Variants in NPR3 observed in about 807,000 individuals in gnomAD.
NPR3 encodes the protein atrial natriuretic peptide receptor 3.
In NPR3, 34 loss-of-function variants were observed where a neutral mutation model predicts 54.5. The observed-to-expected ratio is 0.62, with a 90% CI of 0.47 to 0.83. The LOEUF (loss-of-function observed/expected upper bound fraction) is 0.83, where lower values mean the gene tolerates loss of function less well. Among genes scored for constraint, NPR3 ranks in the 40% least tolerant of loss-of-function variants. NPR3 has a pLI of 0.00. For synonymous variants in NPR3, 289 were observed against 297.1 expected (o/e 0.97, Z 0.28); for missense variants, 674 against 720.8 (o/e 0.94, Z 0.74).
At chr5:32,716,435 C>T in intron 1 of NPR3, 1 of 453,892 alleles carries the variant, frequency 2.2e-6, no homozygotes, top group Non-Finnish European at 4.4e-6. Context: ...TCTTCTTGAT[C>T]ATTCTACTGC....
chr5:32,700,363 G>T (rs73067039), intron 1 of NPR3, among the ~76,000 whole-genome samples: 1,684 of 152,036 alleles, frequency 0.011, 29 homozygotes, highest in African/African-American at 0.039. Context: ...TTCTAGATTT[G>T]GTAGATGTGC....
chr5:32,772,917 A>G (rs1741846670), intron 3 of NPR3, among the ~76,000 whole-genome samples: 1 of 152,196 alleles, frequency 6.6e-6, no homozygotes, highest in Admixed American at 6.5e-5. Context: ...ATTTTTCTAA[A>G]CTGCTTCTCG....
At chr5:32,777,923 C>G (rs1008657040) in intron 4 of NPR3, among the ~76,000 whole-genome samples, 1 of 152,212 alleles carries the variant, frequency 6.6e-6, no homozygotes, top group African/African-American at 2.4e-5. Context: ...AACCTGGCAT[C>G]TGTGGACACA....
chr5:32,711,713 A>C lies in NPR3; in HGVS notation c.-64A>C. On this transcript the variant is annotated 5_prime_UTR_variant, in exon 1 of 8. Transcript: ENST00000265074. Reference sequence around the variant, plus strand: ...GAGAGAAGAGTGGGGAGGAAAGAGGAAGGGTGGGTGGGGGGCAGAGGGCGA... The same window carrying C: ...GAGAGAAGAGTGGGGAGGAAAGAGGCAGGGTGGGTGGGGGGCAGAGGGCGA... 7.2e-7 allele frequency: 1 copy of C among 1,392,788 alleles called. No homozygotes were observed. The highest frequency in any genetic ancestry group is 1.8e-5 in the South Asian group (1 of 56,210). 86.3% of individuals were successfully genotyped at this position (1,392,788 alleles called of 1,614,324 possible). A position where few individuals can be genotyped will look rare whatever the true frequency, so the allele number is the denominator to read the frequency against.
chr5:32,751,665 G>A (rs1466404468), intron 3 of NPR3, among the ~76,000 whole-genome samples: 1 of 152,146 alleles, frequency 6.6e-6, no homozygotes, highest in African/African-American at 2.4e-5. Flanking sequence ...CAGCAGTATT[G>A]ATAGGGGGGT....
chr5:32,752,160 T>C (rs56695544), intron 3 of NPR3, among the ~76,000 whole-genome samples: 1,844 of 152,132 alleles, frequency 0.012, 42 homozygotes, highest in African/African-American at 0.042. Context: ...GCCAAGATCA[T>C]ACCATTGCAA....
intron 4 of NPR3, among the ~76,000 whole-genome samples, chr5:32,775,853 C>T (rs751342036): frequency 1.2e-4 from 18 of 152,180 alleles, no homozygotes; most frequent in Admixed American, 3.3e-4. Context: ...CCACCTTGGC[C>T]TCCCAAGCTT....
intron 3 of NPR3, among the ~76,000 whole-genome samples, chr5:32,747,734 T>G (rs560304649): frequency 2.2e-4 from 34 of 151,866 alleles, no homozygotes; most frequent in African/African-American, 7.7e-4. Flanking sequence ...TCCCCGTGGT[T>G]TTGAAGAAGA....
intron 3 of NPR3, among the ~76,000 whole-genome samples, chr5:32,761,270 G>A (rs1579672590): frequency 6.6e-6 from 1 of 151,852 alleles, no homozygotes; most frequent in African/African-American, 2.4e-5. Context: ...CCAATTTGGG[G>A]GAAAACTGAC....
chr5:32,741,329 G>T (rs1740028387), intron 3 of NPR3, among the ~76,000 whole-genome samples: 1 of 152,148 alleles, frequency 6.6e-6, no homozygotes, highest in African/African-American at 2.4e-5. Flanking sequence ...GAGGTAGGAG[G>T]ATCACCTGAA....
At chr5:32,691,070 G>A (rs1222217009) in intron 1 of NPR3, among the ~76,000 whole-genome samples, 1 of 152,164 alleles carries the variant, frequency 6.6e-6, no homozygotes, top group Non-Finnish European at 1.5e-5. Context: ...TAGAAGAGCT[G>A]CCCATCTGAA....
chr5:32,711,740 T>G lies in NPR3; in HGVS notation c.-37T>G. The G allele has an allele frequency of 1.4e-6, 2 of 1,403,426 alleles. No individual in the cohort carries two copies. Among genetic ancestry groups the G allele is most frequent in the Non-Finnish European group, 1.9e-6 (2 of 1,079,412 alleles). 86.9% of individuals were successfully genotyped at this position (1,403,426 alleles called of 1,614,324 possible). On this transcript the variant is annotated 5_prime_UTR_variant, in exon 1 of 8. Coordinates refer to ENST00000265074, the MANE Select transcript of NPR3 (RefSeq NM_001204375.2). ...GGGTGGGTGGGGGGCAGAGGGCGAGTCGGCGGCGGCGAGGGCAAGCTCTTT... is the reference window on the plus strand; with the variant it reads ...GGGTGGGTGGGGGGCAGAGGGCGAGGCGGCGGCGGCGAGGGCAAGCTCTTT...
rs817899 is a variant in NPR3 at position 32,739,679 on chromosome 5, C to T, written c.1059+649C>T. On this transcript the variant is annotated intron_variant, in intron 3 of 7. Coordinates refer to ENST00000265074, the MANE Select transcript of NPR3 (RefSeq NM_001204375.2). ...GAGGGATTCATCTAAGAGCTGGCACCGCAGGCAGCTGACCACACCTCATTT... is the reference window on the plus strand; with the variant it reads ...GAGGGATTCATCTAAGAGCTGGCACTGCAGGCAGCTGACCACACCTCATTT... Among the ~76,000 whole-genome samples, 1,154 of 152,242 alleles carry T rather than the reference C, an allele frequency of 7.6e-3. 11 individuals are homozygous for T. Among genetic ancestry groups the T allele is most frequent in the African/African-American group, 0.026 (1,074 of 41,532 alleles).
Position 32,711,448 on chromosome 5 carries a change from A to C in NPR3, c.-329A>C. 1 of 1,072,232 alleles carries C rather than the reference A, an allele frequency of 9.3e-7. No homozygotes were observed. The highest frequency in any genetic ancestry group is 1.1e-6 in the Non-Finnish European group (1 of 887,998). The allele number at this position is 1,072,232 out of a possible 1,614,324, so 66.4% of individuals were successfully genotyped here. ...CAACCTTAGCAACGCCCAAATAAGA[A>C]GCCACCTCTAAGCAAAATAGTATAT... is the stretch of plus-strand genomic sequence containing the variant. On this transcript the variant is annotated 5_prime_UTR_variant, in exon 1 of 8. Transcript: ENST00000265074.
chr5:32,694,104 A>G (rs747518692), intron 1 of NPR3, among the ~76,000 whole-genome samples: 6 of 152,190 alleles, frequency 3.9e-5, no homozygotes, highest in Non-Finnish European at 7.4e-5. Flanking sequence ...CTTGTGGGGT[A>G]GCAAACATGA....
At chr5:32,771,462 C>G (rs757696075) in intron 3 of NPR3, among the ~76,000 whole-genome samples, 13 of 152,170 alleles carry the variant, frequency 8.5e-5, no homozygotes, top group Non-Finnish European at 1.6e-4. Context: ...AACTCAAGTT[C>G]ATTGTTCTCC....
intron 1 of NPR3, among the ~76,000 whole-genome samples, 197 bp from the exon 2 acceptor site, chr5:32,724,501 T>C (rs1201771680): frequency 6.6e-6 from 1 of 152,204 alleles, no homozygotes; most frequent in Non-Finnish European, 1.5e-5. Context: ...GTTGGTGATG[T>C]TGGCTTCCAT....
At chr5:32,714,896 T>C (rs1738469362) in intron 1 of NPR3, among the ~76,000 whole-genome samples, 1 of 152,210 alleles carries the variant, frequency 6.6e-6, no homozygotes, top group Non-Finnish European at 1.5e-5. Flanking sequence ...TGGACTGCTA[T>C]GAAACCTCTG....
rs1035785927 is a variant in NPR3 at position 32,749,883 on chromosome 5, C to T, written c.1059+10853C>T. Among the ~76,000 whole-genome samples, 13 of 152,234 alleles carry T rather than the reference C, an allele frequency of 8.5e-5. 1 individual carries two copies. Among genetic ancestry groups the T allele is most frequent in the African/African-American group, 2.9e-4 (12 of 41,538 alleles). The stretch of plus-strand genomic sequence containing the variant: ...CTCTGTATAAGGTTAGGGAGGAGAT[C>T]CGACTCAATTTAAGGTTGAAAAATG... On this transcript the variant is annotated intron_variant, in intron 3 of 7. Transcript: ENST00000265074.
Sources: gnomAD v4.1 joint callset for allele counts (sites outside exome capture counted in the v4.1 genomes callset) on GRCh38, gnomAD v4.1.1 for gene constraint, MANE v1.5 for transcripts, NCBI Gene and HGNC (gene_info 2026-07-23, HGNC 2026-07-21) for gene names.